SKAP1: variants seen among roughly 807,000 people sequenced by gnomAD.
The protein encoded by SKAP1 is src kinase-associated phosphoprotein 1.
A neutral mutation model predicts 58.5 loss-of-function variants in SKAP1; 44 were observed. The ratio of observed to expected loss-of-function variants is 0.75; its 90% CI spans 0.59 to 0.97. SKAP1 has a LOEUF of 0.97. Ranked by LOEUF, SKAP1 falls within the 50% of genes least tolerant of loss-of-function variation. The pLI is 0.00. For synonymous variants in SKAP1, 127 were observed against 149.7 expected (o/e 0.85, Z 1.11); for missense variants, 390 against 435.2 (o/e 0.90, Z 0.92).
chr17:48,399,307 A>G (rs1040205253), intron 1 of SKAP1, among the ~76,000 whole-genome samples: 2 of 152,106 alleles, frequency 1.3e-5, no homozygotes. Flanking sequence ...AGAATAAAGG[A>G]AAAAAACCAC....
intron 4 of SKAP1, among the ~76,000 whole-genome samples, chr17:48,193,465 A>G (rs1020946917): frequency 6.6e-5 from 10 of 152,182 alleles, no homozygotes; most frequent in African/African-American, 2.2e-4. Context: ...CGGAAAAAAA[A>G]TTAGGAAATG....
At chr17:48,397,084 G>T in intron 1 of SKAP1, 2 of 422,398 alleles carry the variant, frequency 4.7e-6, no homozygotes, top group Non-Finnish European at 6.3e-6. Context: ...TAGGTAACAT[G>T]TTCTAATAAT....
the SKAP1 span, among the ~76,000 whole-genome samples, chr17:48,436,341 G>C: frequency 1.3e-5 from 2 of 152,116 alleles, no homozygotes; most frequent in African/African-American, 4.8e-5. Flanking sequence ...CAAAGTGCTG[G>C]GATTACAGGC....
intron 9 of SKAP1, among the ~76,000 whole-genome samples, chr17:48,171,093 G>GTTTTTTTT (rs71141969): frequency 1.1e-4 from 8 of 70,242 alleles, no homozygotes; most frequent in African/African-American, 2.4e-4. Flanking sequence ...AATTACTGTT[G>GTTTTTTTT]TTTTTTTTTT....
chr17:48,276,535 A>T (rs867315671), intron 4 of SKAP1, among the ~76,000 whole-genome samples: 4 of 152,314 alleles, frequency 2.6e-5, no homozygotes, highest in Middle Eastern at 3.4e-3. Flanking sequence ...AAGAATTAGG[A>T]AGCAGAAGGG....
At chr17:48,397,392 A>G (rs1347029268) in intron 1 of SKAP1, among the ~76,000 whole-genome samples, 2 of 152,068 alleles carry the variant, frequency 1.3e-5, no homozygotes, top group Admixed American at 6.6e-5. Context: ...AGCCCGGCTA[A>G]TTTTTCGTAT....
At chr17:48,422,313 C>T (rs2067804007) in intron 1 of SKAP1, among the ~76,000 whole-genome samples, 2 of 152,202 alleles carry the variant, frequency 1.3e-5, no homozygotes, top group East Asian at 1.9e-4. Context: ...TGTGGAAAGG[C>T]AGCTGCCAAA....
intron 2 of SKAP1, among the ~76,000 whole-genome samples, chr17:48,383,446 TA>T (rs35104319): frequency 2.7e-5 from 4 of 150,772 alleles, no homozygotes; most frequent in East Asian, 1.9e-4. Flanking sequence ...CTTCCTTAAT[TA>T]AAAAAAAAAT....
chr17:48,277,560 T>C (rs576277309), intron 4 of SKAP1, among the ~76,000 whole-genome samples: 2 of 152,262 alleles, frequency 1.3e-5, no homozygotes, highest in African/African-American at 4.8e-5. Context: ...TTGAGACAGG[T>C]TTCAAGAAAA....
chr17:48,353,271 G>T (rs2066827150), intron 3 of SKAP1, among the ~76,000 whole-genome samples: 1 of 152,086 alleles, frequency 6.6e-6, no homozygotes, highest in Non-Finnish European at 1.5e-5. Context: ...GTTTGATTCT[G>T]TTGGATACTT....
At chr17:48,147,996 C>T (rs898604664) in intron 11 of SKAP1, among the ~76,000 whole-genome samples, 68 of 152,032 alleles carry the variant, frequency 4.5e-4, no homozygotes, top group African/African-American at 1.4e-3. Flanking sequence ...ATGGTGACAA[C>T]TCCACAAAGC....
chr17:48,409,807 C>T lies in SKAP1; in HGVS notation c.47-13022G>A, dbSNP rs377750718. ...CCGTATCATACTATAATGGCAGATA[C>T]ATGACATCATGCATTTGTTGAAACC... On this transcript the variant is annotated intron_variant, in intron 1 of 12. Coordinates refer to ENST00000336915, the MANE Select transcript of SKAP1 (RefSeq NM_003726.4). Among the ~76,000 whole-genome samples, 428 of 152,062 alleles carry T rather than the reference C, an allele frequency of 2.8e-3. 3 individuals carry two copies. In the Middle Eastern group the frequency reaches 0.034, roughly 12 times the overall value.
chr17:48,257,906 A>T (rs1040720044), intron 4 of SKAP1, among the ~76,000 whole-genome samples: 1 of 151,934 alleles, frequency 6.6e-6, no homozygotes, highest in Non-Finnish European at 1.5e-5. Context: ...TGCATGCAAG[A>T]GGTTGATTTG....
intron 4 of SKAP1, among the ~76,000 whole-genome samples, chr17:48,276,603 A>C (rs1171340208): frequency 1.3e-5 from 2 of 152,136 alleles, no homozygotes; most frequent in African/African-American, 2.4e-5. Context: ...TTTCAGCTTA[A>C]TTTCTTTTGT....
intron 4 of SKAP1, among the ~76,000 whole-genome samples, chr17:48,338,094 TTTC>T (rs905279965): frequency 2.6e-5 from 4 of 151,444 alleles, no homozygotes; most frequent in African/African-American, 9.7e-5. Flanking sequence ...CCTTCCTTTC[TTTC>T]TTTTTCTTTC....
intron 4 of SKAP1, among the ~76,000 whole-genome samples, chr17:48,343,017 A>AT (rs1464130000): frequency 6.6e-6 from 1 of 151,944 alleles, no homozygotes. Flanking sequence ...AAAGAGGAAT[A>AT]TTTTTTCTTC....
chr17:48,195,238 T>G (rs2064609444), intron 4 of SKAP1, among the ~76,000 whole-genome samples: 1 of 152,214 alleles, frequency 6.6e-6, no homozygotes, highest in Non-Finnish European at 1.5e-5. Context: ...CTTTTTTGCC[T>G]TCTTCTCAAT....
intron 9 of SKAP1, among the ~76,000 whole-genome samples, chr17:48,175,191 A>G (rs2064273265): frequency 6.6e-6 from 1 of 152,214 alleles, no homozygotes; most frequent in Admixed American, 6.5e-5. Flanking sequence ...CTACACTGAT[A>G]TCAGAAAGAA....
At position 48,389,608 on chromosome 17, in the gene SKAP1, G is replaced by A. The variant is rs1288229711; in HGVS notation, c.152+7072C>T. Among the ~76,000 whole-genome samples, 4 of 152,164 alleles carry A rather than the reference G, an allele frequency of 2.6e-5. No homozygotes were observed. The East Asian group carries it at 7.7e-4, about 29-fold the overall frequency. ...TCTAGCACTCGAGAAGTTCCTGTGG[G>A]ATTGATTTTTTTCCCATCTTCTCTG... On this transcript the variant is annotated intron_variant, in intron 2 of 12. Transcript: ENST00000336915.
Sources: gnomAD v4.1 joint callset for allele counts (sites outside exome capture counted in the v4.1 genomes callset) on GRCh38, gnomAD v4.1.1 for gene constraint, MANE v1.5 for transcripts, NCBI Gene and HGNC (gene_info 2026-07-23, HGNC 2026-07-21) for gene names.